Variants in GOT1 observed in about 807,000 individuals in gnomAD.
The protein encoded by GOT1 is glutamic-oxaloacetic transaminase 1.
In GOT1, 25 loss-of-function variants were observed where a neutral mutation model predicts 48.2. The ratio of observed to expected loss-of-function variants is 0.52; its 90% CI spans 0.38 to 0.72. The LOEUF (loss-of-function observed/expected upper bound fraction) is 0.72, where lower values mean the gene tolerates loss of function less well. Among genes scored for constraint, GOT1 ranks in the 30% least tolerant of loss-of-function variants. The pLI is 0.00. For synonymous variants in GOT1, 188 were observed against 193.8 expected, an observed-to-expected ratio of 0.97 and a Z score of 0.25; for missense variants, 380 against 520.1, an observed-to-expected ratio of 0.73 and a Z score of 2.62.
intron 3 of GOT1, 143 bp from the exon 4 acceptor site, chr10:99,406,392 T>TA: frequency 1.5e-6 from 1 of 655,874 alleles, no homozygotes; most frequent in Non-Finnish European, 2.7e-6. Flanking sequence ...TGTAGAGGAA[T>TA]GATTGTAACC....
intron 2 of GOT1, among the ~76,000 whole-genome samples, chr10:99,419,526 T>C (rs1185453018): frequency 4.6e-5 from 7 of 152,132 alleles, no homozygotes; most frequent in Admixed American, 4.6e-4. Flanking sequence ...CCATGCAAGA[T>C]GAATATCCTT....
At chr10:99,408,285 C>A (rs1029410206) in intron 2 of GOT1, among the ~76,000 whole-genome samples, 2 of 152,126 alleles carry the variant, frequency 1.3e-5, no homozygotes, top group African/African-American at 4.8e-5. Flanking sequence ...TAGTTCTCTG[C>A]CTATAGATCT....
chr10:99,424,956 G>A (rs1233580156), intron 1 of GOT1, among the ~76,000 whole-genome samples: 3 of 152,126 alleles, frequency 2.0e-5, no homozygotes, highest in Admixed American at 1.3e-4. Flanking sequence ...GGACCCTTGA[G>A]TTTCTCATTC....
chr10:99,429,892 T>C (rs1427864141), intron 1 of GOT1, among the ~76,000 whole-genome samples: 2 of 152,160 alleles, frequency 1.3e-5, no homozygotes. Flanking sequence ...GGGGGCAGCA[T>C]TAACCTGTCT....
intron 1 of GOT1, among the ~76,000 whole-genome samples, chr10:99,426,150 T>C (rs1345279208): frequency 6.6e-6 from 1 of 152,048 alleles, no homozygotes; most frequent in Non-Finnish European, 1.5e-5. Flanking sequence ...GCAAGAGATG[T>C]CTAGAGAAAG....
intron 4 of GOT1, 70 bp downstream of exon 4, chr10:99,406,067 C>G: frequency 9.4e-7 from 1 of 1,061,598 alleles, no homozygotes; most frequent in South Asian, 1.3e-5. Context: ...CACTTAGCAA[C>G]TGGTCCAAAG....
At chr10:99,427,383 C>T (rs914460488) in intron 1 of GOT1, among the ~76,000 whole-genome samples, 1 of 152,194 alleles carries the variant, frequency 6.6e-6, no homozygotes, top group African/African-American at 2.4e-5. Flanking sequence ...ATTCTCCTGC[C>T]TCAGCCTCCC....
intron 2 of GOT1, among the ~76,000 whole-genome samples, chr10:99,419,814 G>A (rs1201113775): frequency 1.3e-5 from 2 of 152,124 alleles, no homozygotes; most frequent in Non-Finnish European, 2.9e-5. Context: ...CTAAGATTCA[G>A]CTCAAGTGCC....
chr10:99,403,749 G>C lies in GOT1; in HGVS notation c.768C>G (p.Ser256=). The change falls in exon 6 of 9, where the codon TCC becomes TCG. Residue 256 remains serine, a synonymous_variant. Coordinates refer to ENST00000370508, the MANE Select transcript of GOT1 (RefSeq NM_002079.3). ...SEGFEFFCAQ[S]FSKNFGLYNE... ...TGTAGAGCCCGAAGTTCTTGGAGAA[G>C]GACTGGGCACAGAAGAACTCGAAGC... is the stretch of plus-strand genomic sequence containing the variant. The C allele has an allele frequency of 6.2e-7, 1 of 1,614,208 alleles. No homozygotes were observed.
chr10:99,419,463 G>A lies in GOT1; in HGVS notation c.300+1161C>T, dbSNP rs148605976. Among the ~76,000 whole-genome samples, 73 of 152,272 alleles carry A rather than the reference G, an allele frequency of 4.8e-4. 1 individual carries two copies. The highest frequency in any genetic ancestry group is 3.4e-3 in the Middle Eastern group (1 of 294). On this transcript the variant is annotated intron_variant, in intron 2 of 8. Transcript: ENST00000370508. ...CATGTTCCCAGCTCTCATCAGGTAG[G>A]TCTCTTTACAAGCTAGACCTGCTTA...
chr10:99,420,350 A>G, intron 2 of GOT1: 1 of 361,584 alleles, frequency 2.8e-6, no homozygotes, highest in South Asian at 3.9e-5. Flanking sequence ...TTATCACTCC[A>G]TTAAATTCTT....
intron 5 of GOT1, 91 bp from the exon 6 acceptor site, chr10:99,403,965 A>G (rs1275360147): frequency 8.3e-7 from 1 of 1,207,918 alleles, no homozygotes; most frequent in East Asian, 2.4e-5. Context: ...GCCTGGAGGG[A>G]ATTTCAAATG....
chr10:99,408,590 ACACCTGTAAT>A (rs1564970787), intron 2 of GOT1, among the ~76,000 whole-genome samples: 1 of 152,122 alleles, frequency 6.6e-6, no homozygotes, highest in Admixed American at 6.5e-5. Context: ...ATGGTGGCAC[ACACCTGTAAT>A]CTCAGCTACT....
chr10:99,424,121 T>C (rs1043538714), intron 1 of GOT1, among the ~76,000 whole-genome samples: 2 of 152,212 alleles, frequency 1.3e-5, no homozygotes, highest in African/African-American at 2.4e-5. Context: ...CACATCAACA[T>C]ATCTATGATC....
intron 5 of GOT1, among the ~76,000 whole-genome samples, chr10:99,404,121 A>C (rs2032722736): frequency 6.6e-6 from 1 of 152,170 alleles, no homozygotes; most frequent in Non-Finnish European, 1.5e-5. Flanking sequence ...CAGCTTAGAG[A>C]AACAGGGCTT....
At position 99,405,795 on chromosome 10, in the gene GOT1, T is replaced by G; in HGVS notation, c.603A>C (p.Pro201=). 6.2e-7 allele frequency: 1 copy of G among 1,610,390 alleles called. No individual in the cohort carries two copies. Among genetic ancestry groups the G allele is most frequent in the Admixed American group, 1.7e-5 (1 of 60,010 alleles). ...CAATCTGCTTCCACTGCTCCGGAGT[T>G]GGGTCAATCCCAGTTGGGTTGTGTG... ...ACAHNPTGID[P]TPEQWKQIAS... The change falls in exon 5 of 9, where the codon CCA becomes CCC. Residue 201 remains proline, a synonymous_variant. Coordinates refer to ENST00000370508, the MANE Select transcript of GOT1 (RefSeq NM_002079.3).
chr10:99,402,786 A>G (rs1030633992), intron 7 of GOT1, 64 bp from the exon 8 acceptor site: 2 of 1,395,604 alleles, frequency 1.4e-6, no homozygotes, highest in South Asian at 2.3e-5. Flanking sequence ...GAAAACACAC[A>G]GGTTTAAAAA....
In GOT1 at chr10:99,403,553, A is replaced by G; in HGVS notation, c.875T>C (p.Val292Ala). The stretch of plus-strand genomic sequence containing the variant: ...GGGGGGATTGGACCAAGTAATCCGC[A>G]CGATCTTCTCCATCTGGGAAAGGAC... ...LQVLSQMEKI[V>A]RITWSNPPAQ... Residue 292 changes from valine (V) to alanine (A), a missense_variant, in exon 7 of 9, where the codon GTG becomes GCG. Val to Ala is a moderately conservative substitution (Grantham distance 64, BLOSUM62 0). Coordinates refer to ENST00000370508, the MANE Select transcript of GOT1 (RefSeq NM_002079.3). 6.2e-7 allele frequency: 1 copy of G among 1,614,070 alleles called. No homozygotes were observed. The highest frequency in any genetic ancestry group is 8.5e-7 in the Non-Finnish European group (1 of 1,179,964).
intron 2 of GOT1, among the ~76,000 whole-genome samples, chr10:99,413,205 G>A (rs754313495): frequency 2.0e-4 from 31 of 152,104 alleles, no homozygotes; most frequent in Admixed American, 3.9e-4. Context: ...AAGATTAGAC[G>A]AATGGCTAAC....
Sources: gnomAD v4.1 joint callset for allele counts (sites outside exome capture counted in the v4.1 genomes callset) on GRCh38, gnomAD v4.1.1 for gene constraint, MANE v1.5 for transcripts, NCBI Gene and HGNC (gene_info 2026-07-23, HGNC 2026-07-21) for gene names.